Variants in NELL1 observed in about 807,000 individuals in gnomAD.
NELL1 encodes the protein neural EGFL like 1.
NELL1 carries 76 observed loss-of-function variants against 107.4 expected under a neutral mutation model. The observed-to-expected ratio is 0.71, with a 90% CI of 0.59 to 0.86. NELL1 has a LOEUF of 0.86. Among genes scored for constraint, NELL1 ranks in the 40% least tolerant of loss-of-function variants. The pLI, the probability that NELL1 is intolerant of heterozygous loss-of-function variation, is 0.00. For synonymous variants in NELL1, 353 were observed against 341.2 expected, an observed-to-expected ratio of 1.03 and a Z score of -0.38; for missense variants, 1,024 against 1,005.5, an observed-to-expected ratio of 1.02 and a Z score of -0.25.
At chr11:21,422,041 G>C (rs537598781) in intron 15 of NELL1, among the ~76,000 whole-genome samples, 21 of 152,112 alleles carry the variant, frequency 1.4e-4, no homozygotes, top group Non-Finnish European at 2.6e-4. Flanking sequence ...AGAATTCACT[G>C]TCTGGAAAAA....
At chr11:21,462,977 A>T (rs1442916974) in intron 15 of NELL1, among the ~76,000 whole-genome samples, 2 of 152,118 alleles carry the variant, frequency 1.3e-5, no homozygotes, top group Admixed American at 6.6e-5. Flanking sequence ...ACCAAGAAAA[A>T]AATGTGGCCA....
chr11:21,094,103 G>A (rs74327006), intron 12 of NELL1, among the ~76,000 whole-genome samples: 2,076 of 152,002 alleles, frequency 0.014, 46 homozygotes, highest in African/African-American at 0.047. Flanking sequence ...AGATTCAATG[G>A]GGGTACGGGA....
intron 13 of NELL1, among the ~76,000 whole-genome samples, chr11:21,182,631 G>A (rs1236801262): frequency 6.6e-6 from 1 of 150,914 alleles, no homozygotes; most frequent in Non-Finnish European, 1.5e-5. Context: ...CACAGAAATA[G>A]CCTTTTCAGG....
intron 14 of NELL1, 27 bp downstream of exon 14, chr11:21,229,481 T>C: frequency 6.2e-7 from 1 of 1,612,660 alleles, no homozygotes; most frequent in Non-Finnish European, 8.5e-7. Context: ...AGTGTTGAGT[T>C]GTGAGCAGCC....
intron 15 of NELL1, among the ~76,000 whole-genome samples, chr11:21,388,235 G>A (rs1264701429): frequency 3.3e-5 from 5 of 151,672 alleles, no homozygotes; most frequent in African/African-American, 4.8e-5. Context: ...TTTCTACATC[G>A]GGGCAGTGGG....
At chr11:21,244,626 G>C (rs1181663220) in intron 14 of NELL1, among the ~76,000 whole-genome samples, 1 of 152,166 alleles carries the variant, frequency 6.6e-6, no homozygotes, top group Non-Finnish European at 1.5e-5. Context: ...GCACATGTCT[G>C]ATCTGGGGCA....
chr11:20,788,296 T>TA (rs1444356246), intron 3 of NELL1, among the ~76,000 whole-genome samples: 2 of 152,248 alleles, frequency 1.3e-5, no homozygotes, highest in Non-Finnish European at 2.9e-5. Flanking sequence ...CCAAAGTGAC[T>TA]ACACTGTTTT....
intron 2 of NELL1, among the ~76,000 whole-genome samples, chr11:20,722,020 T>TC (rs1491213273): frequency 3.0e-3 from 45 of 15,088 alleles, no homozygotes; most frequent in Admixed American, 5.2e-3. Context: ...TGAGTCTCTC[T>TC]TTTTTTTTTT....
At chr11:21,562,216 C>G (rs1856866242) in intron 17 of NELL1, among the ~76,000 whole-genome samples, 1 of 152,024 alleles carries the variant, frequency 6.6e-6, no homozygotes, top group Non-Finnish European at 1.5e-5. Flanking sequence ...CTTTAATTAA[C>G]TGTATTAATA....
chr11:21,203,623 A>G (rs1857322739), intron 13 of NELL1, among the ~76,000 whole-genome samples: 1 of 152,104 alleles, frequency 6.6e-6, no homozygotes, highest in Non-Finnish European at 1.5e-5. Context: ...TTTAAGGATA[A>G]TACTGTTATG....
chr11:21,094,456 A>T (rs1304793594), intron 12 of NELL1, among the ~76,000 whole-genome samples: 1 of 152,092 alleles, frequency 6.6e-6, no homozygotes, highest in Non-Finnish European at 1.5e-5. Flanking sequence ...TCACAGCCCC[A>T]CTAGGCAGTA....
chr11:20,726,493 A>G (rs1312197206), intron 2 of NELL1, among the ~76,000 whole-genome samples: 14 of 152,080 alleles, frequency 9.2e-5, no homozygotes, highest in Admixed American at 9.2e-4. Context: ...TTTGCATAGT[A>G]TTGAACTTTA....
chr11:20,722,350 G>A (rs989382608), intron 2 of NELL1, among the ~76,000 whole-genome samples: 4 of 152,040 alleles, frequency 2.6e-5, no homozygotes, highest in African/African-American at 9.7e-5. Context: ...CTCTCAAAGG[G>A]AACAGCAGTG....
chr11:21,128,678 A>G (rs1418414333), intron 13 of NELL1, among the ~76,000 whole-genome samples: 2 of 152,202 alleles, frequency 1.3e-5, no homozygotes, highest in Non-Finnish European at 2.9e-5. Flanking sequence ...ATCCCTTACT[A>G]TCAGTGTGAG....
At chr11:21,553,113 T>G (rs1856629629) in intron 16 of NELL1, among the ~76,000 whole-genome samples, 1 of 151,814 alleles carries the variant, frequency 6.6e-6, no homozygotes, top group African/African-American at 2.4e-5. Context: ...ATGAAATTAC[T>G]TTGTAACCTC....
intron 14 of NELL1, among the ~76,000 whole-genome samples, chr11:21,362,416 C>T (rs958372929): frequency 4.6e-5 from 7 of 152,132 alleles, no homozygotes; most frequent in Non-Finnish European, 1.0e-4. Context: ...GAAGTAGACT[C>T]TATGAGGGTC....
chr11:21,176,704 C>G lies in NELL1; in HGVS notation c.1427-52628C>G, dbSNP rs1018376265. 3.3e-5 allele frequency among the ~76,000 whole-genome samples: 5 copies of G among 151,802 alleles called. 1 individual carries two copies. The highest frequency in any genetic ancestry group is 1.2e-4 in the African/African-American group (5 of 41,092). ...ACTTTGCCTACGTTTGCGTCACATC[C>G]AATAGATGTAGAGTGAGCATGGGTC... On this transcript the variant is annotated intron_variant, in intron 13 of 19. Coordinates refer to ENST00000357134, the MANE Select transcript of NELL1 (RefSeq NM_006157.5).
chr11:21,561,754 A>G (rs1856855308), intron 17 of NELL1, among the ~76,000 whole-genome samples: 3 of 152,132 alleles, frequency 2.0e-5, no homozygotes, highest in Middle Eastern at 3.4e-3. Context: ...TTGACTTTCA[A>G]CTAGATTCCA....
chr11:21,368,356 T>G (rs1173278925), intron 14 of NELL1, among the ~76,000 whole-genome samples: 4 of 65,964 alleles, frequency 6.1e-5, no homozygotes, highest in Admixed American at 1.9e-4. Context: ...TAGGCATTGG[T>G]TTTTTTTTTT....
Sources: gnomAD v4.1 joint callset for allele counts (sites outside exome capture counted in the v4.1 genomes callset) on GRCh38, gnomAD v4.1.1 for gene constraint, MANE v1.5 for transcripts, NCBI Gene and HGNC (gene_info 2026-07-23, HGNC 2026-07-21) for gene names.